AK4: variants seen among roughly 807,000 people sequenced by gnomAD.
The protein encoded by AK4 is adenylate kinase 4, mitochondrial.
Under a neutral mutation model 24.6 loss-of-function variants are expected in AK4, and 13 were observed. The ratio of observed to expected loss-of-function variants is 0.53; its 90% confidence interval spans 0.34 to 0.84. The LOEUF (loss-of-function observed/expected upper bound fraction) is 0.84, where lower values mean the gene tolerates loss of function less well. Among genes scored for constraint, AK4 ranks in the 40% least tolerant of loss-of-function variants. The pLI, the probability that AK4 is intolerant of heterozygous loss-of-function variation, is 0.01. For missense variants in AK4, 192 were observed against 288.2 expected (o/e 0.67, Z 2.42); for synonymous variants, 88 against 107.0 (o/e 0.82, Z 1.10).
intron 2 of AK4, among the ~76,000 whole-genome samples, chr1:65,195,573 C>T (rs907276584): frequency 6.6e-6 from 1 of 152,194 alleles, no homozygotes; most frequent in South Asian, 2.1e-4. Context: ...TAATTGAGAG[C>T]ATGGACCCGG....
At position 65,229,204 on chromosome 1, in the gene AK4, G is replaced by A. The variant is rs1346752522; in HGVS notation, c.*3027G>A. On this transcript the variant is annotated 3_prime_UTR_variant, in exon 5 of 5. Transcript: ENST00000327299. ...GTTATTAATAGCTAATTGTGTCCAA[G>A]CAACCAAGGGCCTTGAGTCTGCTTG... The A allele has an allele frequency of 6.6e-6, 1 of 152,076 alleles. No individual in the cohort carries two copies. The highest frequency in any genetic ancestry group is 1.5e-5 in the Non-Finnish European group (1 of 68,028). The allele number at this position is 152,076 out of a possible 1,614,324, so 9.4% of individuals were successfully genotyped here.
chr1:65,185,624 C>CTTTTT (rs35079324), intron 1 of AK4, among the ~76,000 whole-genome samples: 2 of 136,210 alleles, frequency 1.5e-5, no homozygotes. Context: ...ATATGACCAT[C>CTTTTT]TTTTTTTTTT....
rs541179315 is a variant in AK4 at position 65,158,815 on chromosome 1, A to AT, written c.145+10271dup. Among the ~76,000 whole-genome samples the AT allele has an allele frequency of 4.0e-3, 613 of 151,850 alleles. 5 individuals are homozygous for AT. The highest frequency in any genetic ancestry group is 0.014 in the African/African-American group (580 of 41,452). On this transcript the variant is annotated intron_variant, in intron 1 of 4. Transcript: ENST00000327299. ...AGCCACTGCACCCGGCCCAAACTAG[A>AT]TTTTTTTTAAAAAAGCATGAGTAGA... is the stretch of plus-strand genomic sequence containing the variant.
At chr1:65,215,411 A>G (rs1241738077) in intron 2 of AK4, among the ~76,000 whole-genome samples, 1 of 152,104 alleles carries the variant, frequency 6.6e-6, no homozygotes, top group East Asian at 1.9e-4. Context: ...ATCTCAGGTC[A>G]TTCACCCGCC....
At chr1:65,155,271 GA>G (rs1649940915) in intron 1 of AK4, among the ~76,000 whole-genome samples, 1 of 150,662 alleles carries the variant, frequency 6.6e-6, no homozygotes, top group Non-Finnish European at 1.5e-5. Context: ...CCAGGAGTTC[GA>G]GACCAGCCTG....
rs771853873 is a variant in AK4, at chr1:65,218,756, T to A, written c.268T>A (p.Phe90Ile). The change falls in exon 3 of 5, where the codon TTT (phenylalanine) becomes ATT (isoleucine). Residue 90 changes from phenylalanine (F) to isoleucine (I), a missense_variant and splice_region_variant. By Grantham distance (21) the Phe-to-Ile change is conservative (BLOSUM62 0). Transcript: ENST00000327299. ...CTTGTTTTGTTCTTTGCATTTAGGT[T>A]TTCCTAGGACATTAGGACAAGCCGA... ...RRGQHWLLDG[F>I]PRTLGQAEAL... 11 of 1,578,118 alleles carry A rather than the reference T, an allele frequency of 7.0e-6. No homozygotes were observed. Among genetic ancestry groups the A allele is most frequent in the Non-Finnish European group, 9.4e-6 (11 of 1,164,620 alleles).
At chr1:65,157,026 A>G in intron 1 of AK4, among the ~76,000 whole-genome samples, 1 of 152,214 alleles carries the variant, frequency 6.6e-6, no homozygotes, top group East Asian at 1.9e-4. Context: ...GTGAAAATTA[A>G]CTATTTTCCA....
At chr1:65,184,824 T>C (rs1435119866) in intron 1 of AK4, among the ~76,000 whole-genome samples, 1 of 152,206 alleles carries the variant, frequency 6.6e-6, no homozygotes, top group East Asian at 1.9e-4. Context: ...GTCATTTTGC[T>C]TTGTCTGAGG....
Position 65,216,773 on chromosome 1 carries a change from C to T in AK4, c.266-1981C>T, listed in dbSNP as rs555657861. ...GCAGTAGTGTGATTGTAGCTCACTG[C>T]AGCCTTGAACTCCTTGGGCTCAAGT... is the stretch of plus-strand genomic sequence containing the variant. On this transcript the variant is annotated intron_variant, in intron 2 of 4. Coordinates refer to ENST00000327299, the MANE Select transcript of AK4 (RefSeq NM_013410.4). Among the ~76,000 whole-genome samples, 2 of 143,536 alleles carry T rather than the reference C, an allele frequency of 1.4e-5. 1 individual carries two copies. Among genetic ancestry groups the T allele is most frequent in the African/African-American group, 6.0e-5 (2 of 33,550 alleles). 94.2% of individuals were successfully genotyped at this position (143,536 alleles called of 152,430 possible).
At chr1:65,219,192 C>T (rs1370495805) in intron 3 of AK4, among the ~76,000 whole-genome samples, 1 of 150,900 alleles carries the variant, frequency 6.6e-6, no homozygotes, top group African/African-American at 2.4e-5. Flanking sequence ...TATATGTATA[C>T]AATGTATATA....
At chr1:65,215,286 C>T (rs1409970906) in intron 2 of AK4, among the ~76,000 whole-genome samples, 1 of 152,020 alleles carries the variant, frequency 6.6e-6, no homozygotes, top group African/African-American at 2.4e-5. Context: ...ATTCTCCTGC[C>T]TTAGCCTCCT....
chr1:65,216,397 T>C (rs954767570), intron 2 of AK4, among the ~76,000 whole-genome samples: 2 of 152,162 alleles, frequency 1.3e-5, no homozygotes, highest in African/African-American at 4.8e-5. Context: ...GTGCTGGGAT[T>C]ACAGGCATGA....
At chr1:65,197,452 AATG>A (rs1230166906) in intron 2 of AK4, among the ~76,000 whole-genome samples, 9 of 152,216 alleles carry the variant, frequency 5.9e-5, no homozygotes, top group Non-Finnish European at 1.2e-4. Flanking sequence ...CATTGGTAAT[AATG>A]ATAACCTTTA....
At chr1:65,147,719 G>A (rs1649608309), upstream of AK4, 1 of 151,924 alleles carries the variant, frequency 6.6e-6, no homozygotes, top group South Asian at 2.1e-4. Flanking sequence ...CGGGCTCGTC[G>A]CGCGCCCCAT....
rs1487651684 is a variant in AK4 at position 65,231,125 on chromosome 1, A to G, written c.*4948A>G. On this transcript the variant is annotated 3_prime_UTR_variant, in exon 5 of 5. Transcript: ENST00000327299. ...AGTTATTTCTTTCCACATGTAACTG[A>G]CCCAATCTGGTTTCCAAATGAGAAG... 3 of 152,124 alleles carry G rather than the reference A, an allele frequency of 2.0e-5. No homozygotes were observed. The allele number at this position is 152,124 out of a possible 1,614,324, so 9.4% of individuals were successfully genotyped here. A position where few individuals can be genotyped will look rare whatever the true frequency, so the allele number is the denominator to read the frequency against.
rs143290939 is a variant in AK4, at chr1:65,221,700, G to A, written c.438+2774G>A. On this transcript the variant is annotated intron_variant, in intron 3 of 4. Transcript: ENST00000327299. ...GGGAAAACTGAAGTCCAACACAGAC[G>A]CTTTATATTTTGCATTTGTCCAGAC... Among the ~76,000 whole-genome samples, 239 of 152,340 alleles carry A rather than the reference G, an allele frequency of 1.6e-3. 1 individual carries two copies. Among genetic ancestry groups the A allele is most frequent in the Admixed American group, 8.6e-3 (132 of 15,296 alleles).
At chr1:65,170,390 A>C (rs1214616985) in intron 1 of AK4, among the ~76,000 whole-genome samples, 1 of 151,574 alleles carries the variant, frequency 6.6e-6, no homozygotes, top group Non-Finnish European at 1.5e-5. Context: ...ACACACACAA[A>C]AAAAATCAGT....
upstream of AK4, chr1:65,147,955 G>C (rs953910695): frequency 6.3e-6 from 1 of 159,470 alleles, no homozygotes; most frequent in African/African-American, 2.4e-5. Context: ...ACCCCCGCTT[G>C]TGCCAGCTTC....
chr1:65,170,952 T>C (rs145263939), intron 1 of AK4, among the ~76,000 whole-genome samples: 106 of 135,582 alleles, frequency 7.8e-4, no homozygotes, highest in African/African-American at 3.2e-3. Context: ...CTTGTCTTCT[T>C]CCTTTTTTTT....
Sources: allele counts gnomAD v4.1 joint callset (sites outside exome capture counted in the v4.1 genomes callset), GRCh38; gene constraint gnomAD v4.1.1; transcripts MANE v1.5; gene names NCBI Gene and HGNC (gene_info 2026-07-23, HGNC 2026-07-21).